The following TULP4 variants were observed in gnomAD, a reference collection of about 807,000 sequenced individuals.
The protein encoded by TULP4 is TUB like protein 4.
In TULP4, 16 loss-of-function variants were observed where a neutral mutation model predicts 129.0. The ratio of observed to expected loss-of-function variants is 0.12; its 90% CI spans 0.08 to 0.19. The LOEUF (loss-of-function observed/expected upper bound fraction) is 0.19. Among genes scored for constraint, TULP4 ranks in the 10% least tolerant of loss-of-function variants. TULP4 has a pLI of 1.00. For missense variants in TULP4, 1,842 were observed against 2,059.1 expected (o/e 0.89, Z 2.04); for synonymous variants, 998 against 854.0 (o/e 1.17, Z -2.94).
At chr6:158,439,322 G>T (rs1778828109) in intron 3 of TULP4, among the ~76,000 whole-genome samples, 1 of 152,170 alleles carries the variant, frequency 6.6e-6, no homozygotes, top group Non-Finnish European at 1.5e-5. Context: ...TTTGCCCTAA[G>T]AAAACATTTT....
intron 1 of TULP4, among the ~76,000 whole-genome samples, chr6:158,365,903 T>TC (rs1780941075): frequency 4.2e-5 from 5 of 118,592 alleles, no homozygotes; most frequent in African/African-American, 1.7e-4. Flanking sequence ...TTCTTTCTTT[T>TC]TTTTTTTTTT....
intron 1 of TULP4, among the ~76,000 whole-genome samples, chr6:158,274,236 C>T (rs1393245208): frequency 2.0e-5 from 3 of 151,860 alleles, no homozygotes; most frequent in African/African-American, 2.4e-5. Context: ...CCAGCCTGGG[C>T]GACAGAGTGA....
At chr6:158,243,804 T>G (rs562860781) in intron 1 of TULP4, among the ~76,000 whole-genome samples, 8 of 151,296 alleles carry the variant, frequency 5.3e-5, no homozygotes, top group South Asian at 4.2e-4. Context: ...CAGGAGGGAT[T>G]ACAATATGGT....
chr6:158,478,338 G>A (rs772847657), intron 6 of TULP4, among the ~76,000 whole-genome samples: 2 of 152,134 alleles, frequency 1.3e-5, no homozygotes, highest in Non-Finnish European at 1.5e-5. Context: ...GGACAGCAGC[G>A]TATCTTTAAG....
chr6:158,396,111 T>C (rs555903390), intron 1 of TULP4, among the ~76,000 whole-genome samples: 1 of 152,336 alleles, frequency 6.6e-6, no homozygotes, highest in South Asian at 2.1e-4. Context: ...TTGAATAATC[T>C]TCGTAGTTCA....
At chr6:158,252,041 G>T (rs558925094) in intron 1 of TULP4, among the ~76,000 whole-genome samples, 2 of 152,352 alleles carry the variant, frequency 1.3e-5, no homozygotes, top group Non-Finnish European at 1.5e-5. Flanking sequence ...GTAGTTGAAG[G>T]AGATTCTGAA....
intron 6 of TULP4, among the ~76,000 whole-genome samples, chr6:158,465,932 G>C (rs1779547118): frequency 6.6e-6 from 1 of 152,194 alleles, no homozygotes; most frequent in African/African-American, 2.4e-5. Flanking sequence ...TCAGCAGAAA[G>C]GAATATTTTA....
At chr6:158,284,990 AC>A (rs1466203654) in intron 1 of TULP4, among the ~76,000 whole-genome samples, 2 of 152,184 alleles carry the variant, frequency 1.3e-5, no homozygotes, top group African/African-American at 4.8e-5. Flanking sequence ...CACAGATAGT[AC>A]AAGGACCCAG....
At chr6:158,314,940 A>G (rs1779454960) in intron 1 of TULP4, among the ~76,000 whole-genome samples, 1 of 152,238 alleles carries the variant, frequency 6.6e-6, no homozygotes, top group Non-Finnish European at 1.5e-5. Flanking sequence ...ATTGAGCAAT[A>G]CTTAAGTGTT....
chr6:158,348,173 G>GTTTTTTTTTTTTTTTTTAGTTTTTT (rs34217788), intron 1 of TULP4, among the ~76,000 whole-genome samples: 1 of 112,170 alleles, frequency 8.9e-6, no homozygotes, highest in Non-Finnish European at 1.7e-5. Flanking sequence ...TTTTTTTAAG[G>GTTTTTTTTTTTTTTTTTAGTTTTTT]TTTTTTTTTT....
intron 1 of TULP4, among the ~76,000 whole-genome samples, chr6:158,351,663 T>TTGTGA (rs1167795156): frequency 6.6e-6 from 1 of 151,882 alleles, no homozygotes; most frequent in Non-Finnish European, 1.5e-5. Context: ...GCTGATGAAT[T>TTGTGA]TGTGATGTGT....
chr6:158,451,973 C>G (rs1286421260), intron 4 of TULP4, among the ~76,000 whole-genome samples, 161 bp from the exon 5 acceptor site: 1 of 152,162 alleles, frequency 6.6e-6, no homozygotes, highest in Non-Finnish European at 1.5e-5. Context: ...TTGTGTAGTT[C>G]CTGAATGATA....
intron 4 of TULP4, among the ~76,000 whole-genome samples, chr6:158,451,922 T>C (rs1195221353): frequency 6.6e-6 from 1 of 152,222 alleles, no homozygotes; most frequent in African/African-American, 2.4e-5. Context: ...AGTGTCCTGC[T>C]TCTTACTCAC....
chr6:158,237,344 C>CAGG (rs1410312955), intron 1 of TULP4: 2 of 1,611,946 alleles, frequency 1.2e-6, no homozygotes, highest in African/African-American at 2.7e-5. Context: ...CATCACCAGC[C>CAGG]ACCTTTTCCA....
intron 1 of TULP4, among the ~76,000 whole-genome samples, chr6:158,273,460 G>A (rs985869687): frequency 2.6e-5 from 4 of 152,076 alleles, no homozygotes; most frequent in Non-Finnish European, 4.4e-5. Flanking sequence ...CCTTTATGTC[G>A]ATGACACTGA....
chr6:158,342,242 C>A (rs7341305), intron 1 of TULP4, among the ~76,000 whole-genome samples: 131,044 of 152,198 alleles, frequency 0.86, 56,843 homozygotes, highest in South Asian at 0.93. Context: ...TATTTGTCCA[C>A]TTTTGCTTTG....
chr6:158,482,380 C>T (rs1779967963), intron 8 of TULP4, among the ~76,000 whole-genome samples: 1 of 152,190 alleles, frequency 6.6e-6, no homozygotes, highest in Admixed American at 6.5e-5. Context: ...TCTACTACCC[C>T]TGCAAAACAG....
At chr6:158,364,867 G>GC (rs1429517511) in intron 1 of TULP4, among the ~76,000 whole-genome samples, 3 of 151,992 alleles carry the variant, frequency 2.0e-5, no homozygotes, top group African/African-American at 7.3e-5. Context: ...CTTCCGAGTT[G>GC]TGGGACTACA....
chr6:158,422,294 A>G (rs1463769423), intron 2 of TULP4, among the ~76,000 whole-genome samples: 1 of 152,244 alleles, frequency 6.6e-6, no homozygotes, highest in Non-Finnish European at 1.5e-5. Context: ...GGGCATAGCT[A>G]TAAATAGAGA....
Sources: gnomAD v4.1 joint callset for allele counts (sites outside exome capture counted in the v4.1 genomes callset) on GRCh38, gnomAD v4.1.1 for gene constraint, MANE v1.5 for transcripts, NCBI Gene and HGNC (gene_info 2026-07-23, HGNC 2026-07-21) for gene names.